Variants in CDH23 observed in about 807,000 individuals in gnomAD.
CDH23 encodes cadherin related 23.
A neutral mutation model predicts 317.1 loss-of-function variants in CDH23; 189 were observed. The ratio of observed to expected loss-of-function variants is 0.60; its 90% CI spans 0.53 to 0.67. CDH23 has a LOEUF of 0.67. Among genes scored for constraint, CDH23 ranks in the 30% least tolerant of loss-of-function variants. The pLI is 0.00. For synonymous variants in CDH23, 1,839 were observed against 1,876.8 expected (o/e 0.98, Z 0.52); for missense variants, 4,401 against 4,592.4 (o/e 0.96, Z 1.20).
chr10:71,404,393 A>C lies in CDH23; in HGVS notation c.-6+7075A>C, dbSNP rs117005619. Among the ~76,000 whole-genome samples, 186 of 152,368 alleles carry C rather than the reference A, an allele frequency of 1.2e-3. 1 individual carries two copies. The highest frequency in any genetic ancestry group is 8.5e-3 in the East Asian group (44 of 5,188). ...GAGCCTGCAGCTTGCAGTTCTCCAC[A>C]GTCCCGACCATTCCCTATTGCCTCA... is the stretch of plus-strand genomic sequence containing the variant. On this transcript the variant is annotated intron_variant, in intron 1 of 69. Coordinates refer to ENST00000224721, the MANE Select transcript of CDH23 (RefSeq NM_022124.6).
chr10:71,456,204 G>C (rs1850686469), intron 3 of CDH23, among the ~76,000 whole-genome samples: 1 of 150,424 alleles, frequency 6.6e-6, no homozygotes, highest in Non-Finnish European at 1.5e-5. Context: ...GGAAGGAGGT[G>C]ATCTAGTATC....
intron 6 of CDH23, among the ~76,000 whole-genome samples, chr10:71,560,903 T>G (rs1857095781): frequency 6.6e-6 from 1 of 152,180 alleles, no homozygotes. Flanking sequence ...TCCATAAATA[T>G]TAATAACACC....
At chr10:71,644,357 C>A (rs980368489) in intron 12 of CDH23, among the ~76,000 whole-genome samples, 1 of 152,246 alleles carries the variant, frequency 6.6e-6, no homozygotes, top group African/African-American at 2.4e-5. Context: ...CTAAATGCAG[C>A]AAGTGTATTT....
At chr10:71,712,238 G>A in intron 27 of CDH23, 1 of 165,062 alleles carries the variant, frequency 6.1e-6, no homozygotes, top group East Asian at 1.6e-4. Context: ...GCTCACCCAG[G>A]ATGATCACTT....
At chr10:71,483,944 A>G (rs1313185022) in intron 3 of CDH23, among the ~76,000 whole-genome samples, 1 of 151,810 alleles carries the variant, frequency 6.6e-6, no homozygotes, top group East Asian at 1.9e-4. Context: ...ACATTTTTAC[A>G]TCCTTGCTGC....
intron 21 of CDH23, 39 bp downstream of exon 21, chr10:71,694,298 C>A: frequency 1.3e-6 from 2 of 1,504,302 alleles, no homozygotes; most frequent in Non-Finnish European, 1.8e-6. Context: ...CTCCCCCTCG[C>A]CGGCCAGGCT....
chr10:71,811,639 G>C (rs531335713), intron 64 of CDH23, 49 bp downstream of exon 64: 4 of 1,613,682 alleles, frequency 2.5e-6, no homozygotes, highest in Non-Finnish European at 3.4e-6. Context: ...CCTGCTCCCG[G>C]ATGGCCACGA....
intron 3 of CDH23, among the ~76,000 whole-genome samples, chr10:71,498,654 A>G (rs986349479): frequency 6.6e-6 from 1 of 152,232 alleles, no homozygotes; most frequent in Non-Finnish European, 1.5e-5. Context: ...TCACTGAGCA[A>G]TCCCAGCTCT....
chr10:71,432,752 G>T (rs536676540), intron 1 of CDH23, among the ~76,000 whole-genome samples: 2 of 152,176 alleles, frequency 1.3e-5, no homozygotes, highest in African/African-American at 2.4e-5. Context: ...CTCGCCTAGC[G>T]AGGAAAGACC....
intron 3 of CDH23, among the ~76,000 whole-genome samples, chr10:71,475,241 CAGG>C (rs1226347675): frequency 6.6e-6 from 1 of 152,226 alleles, no homozygotes; most frequent in Non-Finnish European, 1.5e-5. Flanking sequence ...ACGACATCCG[CAGG>C]AGCTGCCCAG....
intron 41 of CDH23, among the ~76,000 whole-genome samples, chr10:71,781,765 C>A (rs938917575): frequency 2.0e-5 from 3 of 152,276 alleles, no homozygotes; most frequent in Non-Finnish European, 4.4e-5. Context: ...AGGCTTCCTC[C>A]CCCAAGGAAG....
At chr10:71,733,448 A>T (rs1324283750) in intron 32 of CDH23, among the ~76,000 whole-genome samples, 1 of 152,192 alleles carries the variant, frequency 6.6e-6, no homozygotes, top group Non-Finnish European at 1.5e-5. Flanking sequence ...GAACATTTCA[A>T]GCTGTTTATC....
At chr10:71,410,713 TTTG>T (rs1463853525) in intron 1 of CDH23, among the ~76,000 whole-genome samples, 1 of 152,206 alleles carries the variant, frequency 6.6e-6, no homozygotes, top group Non-Finnish European at 1.5e-5. Context: ...TTTTGCCTAT[TTTG>T]AACTTTATAT....
intron 28 of CDH23, chr10:71,716,100 C>T: frequency 6.5e-7 from 1 of 1,537,890 alleles, no homozygotes; most frequent in South Asian, 1.2e-5. Flanking sequence ...CTGGGGCTCC[C>T]AGGGTGGTGG....
chr10:71,647,278 C>A (rs562595160), intron 14 of CDH23, among the ~76,000 whole-genome samples: 1 of 152,186 alleles, frequency 6.6e-6, no homozygotes, highest in Non-Finnish European at 1.5e-5. Flanking sequence ...GCCTGGCCAA[C>A]ATGGCAAAAC....
In CDH23 at chr10:71,680,765, A is replaced by G. The variant is rs1447957991; in HGVS notation, c.1858+1273A>G. 4.1e-4 allele frequency among the ~76,000 whole-genome samples: 17 copies of G among 41,002 alleles called. No individual in the cohort carries two copies. In the East Asian group the frequency reaches 0.014, roughly 33 times the overall value. The allele number at this position is 41,002 out of a possible 152,430, so 26.9% of individuals were successfully genotyped here. On this transcript the variant is annotated intron_variant, in intron 17 of 69. Coordinates refer to ENST00000224721, the MANE Select transcript of CDH23 (RefSeq NM_022124.6). ...CCGTCTCAAAAAAAAAAAAAAAAAGAAAAAGAAATTGCATTCTCTATGAAA... is the reference window on the plus strand; with the variant it reads ...CCGTCTCAAAAAAAAAAAAAAAAAGGAAAAGAAATTGCATTCTCTATGAAA...
intron 1 of CDH23, among the ~76,000 whole-genome samples, chr10:71,439,216 C>T (rs886967609): frequency 6.6e-6 from 1 of 152,220 alleles, no homozygotes; most frequent in East Asian, 1.9e-4. Context: ...GTTGCCTCCC[C>T]TCTCTGTGCC....
intron 6 of CDH23, 68 bp downstream of exon 6, chr10:71,511,280 G>T (rs1853969201): frequency 2.2e-6 from 3 of 1,379,718 alleles, no homozygotes. Flanking sequence ...CCATGGTGTA[G>T]GTGAAGAGTC....
At chr10:71,491,194 C>T (rs1852637966) in intron 3 of CDH23, among the ~76,000 whole-genome samples, 2 of 152,228 alleles carry the variant, frequency 1.3e-5, no homozygotes, top group South Asian at 2.1e-4. Flanking sequence ...CCCTGAGACC[C>T]TCCTTCCACA....
Sources: allele counts gnomAD v4.1 joint callset (sites outside exome capture counted in the v4.1 genomes callset), GRCh38; gene constraint gnomAD v4.1.1; transcripts MANE v1.5; gene names NCBI Gene and HGNC (gene_info 2026-07-23, HGNC 2026-07-21).